The following ZFP92 variants were observed in gnomAD, a reference collection of about 807,000 sequenced individuals.
ZFP92 encodes zinc finger protein 92 homolog.
Under a neutral mutation model 7.6 loss-of-function variants are expected in ZFP92, and 2 were observed. That is an observed-to-expected ratio of 0.26 (90% CI 0.11 to 0.83). ZFP92 has a LOEUF of 0.83. Ranked by LOEUF, ZFP92 falls within the 40% of genes least tolerant of loss-of-function variation. The pLI, the probability that ZFP92 is intolerant of heterozygous loss-of-function variation, is 0.65. For missense variants in ZFP92, 324 were observed against 408.3 expected, an observed-to-expected ratio of 0.79 and a Z score of 1.78; for synonymous variants, 226 against 183.6, an observed-to-expected ratio of 1.23 and a Z score of -1.87.
rs782699615 is a variant in ZFP92, at chrX:153,421,338, G to C, written c.961G>C (p.Ala321Pro). 1 of 1,165,243 alleles carries C rather than the reference G, an allele frequency of 8.6e-7. No homozygotes were observed. The highest frequency in any genetic ancestry group is 2.5e-5 in the Admixed American group (1 of 39,465). Residue 321 changes from alanine (A) to proline (P), a missense_variant, in exon 6 of 6, where the codon GCG becomes CCG. By Grantham distance (27) the Ala-to-Pro change is conservative. Transcript: ENST00000338647. Reference protein sequence around the residue: ...QRSHSGERPFACRECGKAFRG... With the variant: ...QRSHSGERPFPCRECGKAFRG... ...CAGCCACAGCGGCGAGCGGCCCTTC[G>C]CGTGCCGCGAGTGCGGCAAGGCCTT...
chrX:153,413,050 G>A (rs781962587), intron 2 of ZFP92, among the ~76,000 whole-genome samples: 5 of 110,977 alleles, frequency 4.5e-5, no homozygotes, highest in South Asian at 3.8e-4. Flanking sequence ...TTCTCCAGCC[G>A]TTCTGCCAGG....
chrX:153,414,549 A>T (rs187384595), intron 2 of ZFP92, among the ~76,000 whole-genome samples: 3 of 111,236 alleles, frequency 2.7e-5, no homozygotes, highest in Admixed American at 1.9e-4. Flanking sequence ...GGATCTCACT[A>T]TGTTGGCCAG....
chrX:153,415,999 A>G (rs2088948203), intron 2 of ZFP92, among the ~76,000 whole-genome samples: 1 of 109,632 alleles, frequency 9.1e-6, no homozygotes, highest in Non-Finnish European at 1.9e-5. Flanking sequence ...TGGGTGTTGG[A>G]CCCCGTAAAT....
intron 4 of ZFP92, among the ~76,000 whole-genome samples, chrX:153,419,355 G>C (rs782682014): frequency 9.1e-4 from 103 of 112,699 alleles, no homozygotes; most frequent in Non-Finnish European, 1.1e-3. Context: ...CTGCCGGAAG[G>C]GGCAGCAATT....
At chrX:153,412,890 G>A (rs2088920299) in intron 2 of ZFP92, among the ~76,000 whole-genome samples, 2 of 112,225 alleles carry the variant, frequency 1.8e-5, no homozygotes, top group Middle Eastern at 4.2e-3. Flanking sequence ...CCCCCTTTTG[G>A]CTAGGTTACC....
Position 153,424,066 on chromosome X carries a change from G to A in ZFP92, c.*2438G>A, listed in dbSNP as rs782343444. ...CTCCTTAGTATCTTGTCATGCCATT[G>A]GTTCTGATGCATAAGTGAACCCTGT... On this transcript the variant is annotated 3_prime_UTR_variant, in exon 6 of 6. Coordinates refer to ENST00000338647, the MANE Select transcript of ZFP92 (RefSeq NM_001136273.2). 1.8e-5 allele frequency: 2 copies of A among 112,952 alleles called. No individual in the cohort carries two copies. Among genetic ancestry groups the A allele is most frequent in the African/African-American group, 6.4e-5 (2 of 31,151 alleles). The allele number at this position is 112,952 out of a possible 1,213,427, so 9.3% of individuals were successfully genotyped here.
rs192942705 is a variant in ZFP92 at position 153,418,211 on chromosome X, C to T, written c.-18-94C>T. 5 of 1,013,667 alleles carry T rather than the reference C, an allele frequency of 4.9e-6. No homozygotes were observed. In the East Asian group the frequency reaches 1.7e-4, roughly 34 times the overall value. The allele number at this position is 1,013,667 out of a possible 1,213,427, so 83.5% of individuals were successfully genotyped here. A position where few individuals can be genotyped will look rare whatever the true frequency, so the allele number is the denominator to read the frequency against. On this transcript the variant is annotated intron_variant, in intron 2 of 5. Coordinates refer to ENST00000338647, the MANE Select transcript of ZFP92 (RefSeq NM_001136273.2). The stretch of plus-strand genomic sequence containing the variant: ...CCACAGGTGGCCGCTGTGCTTATTT[C>T]ACAAGAAAAACTAAGCAGGGTCTTC...
Position 153,418,792 on chromosome X carries a change from G to T in ZFP92, c.153G>T (p.Val51=), listed in dbSNP as rs1366429212. The T allele has an allele frequency of 1.7e-6, 2 of 1,167,468 alleles. No individual in the cohort carries two copies. The highest frequency in any genetic ancestry group is 3.8e-5 in the South Asian group (2 of 52,679). Residue 51 remains valine (V), a synonymous_variant, in exon 4 of 6, where the codon GTG becomes GTT. Coordinates refer to ENST00000338647, the MANE Select transcript of ZFP92 (RefSeq NM_001136273.2). The part of the protein sequence containing the change: ...RVMLENYSHL[V]SLGFSFSKPH... ...TGCTGGAGAACTATAGCCATTTGGTGTCACTGGGTAAGTGATCCCTCCACG... is the reference window on the plus strand; with the variant it reads ...TGCTGGAGAACTATAGCCATTTGGTTTCACTGGGTAAGTGATCCCTCCACG...
At position 153,423,719 on chromosome X, in the gene ZFP92, C is replaced by T. The variant is rs2089023831; in HGVS notation, c.*2091C>T. On this transcript the variant is annotated 3_prime_UTR_variant, in exon 6 of 6. Coordinates refer to ENST00000338647, the MANE Select transcript of ZFP92 (RefSeq NM_001136273.2). ...CTTGCCTTGAGGCAATCCGAAGCAT[C>T]TACGACTTTGGGTTTTCCAGAAAAA... is the stretch of plus-strand genomic sequence containing the variant. 1 of 113,801 alleles carries T rather than the reference C, an allele frequency of 8.8e-6. No homozygotes were observed. Among genetic ancestry groups the T allele is most frequent in the South Asian group, 3.5e-4 (1 of 2,855 alleles). 9.4% of individuals were successfully genotyped at this position (113,801 alleles called of 1,213,427 possible).
chrX:153,415,545 C>T (rs782517299), intron 2 of ZFP92, among the ~76,000 whole-genome samples: 14 of 111,896 alleles, frequency 1.3e-4, no homozygotes, highest in African/African-American at 4.5e-4. Context: ...GTGATTAATG[C>T]TGCTGTGAAC....
chrX:153,415,066 T>A (rs929507388), intron 2 of ZFP92, among the ~76,000 whole-genome samples: 1 of 112,805 alleles, frequency 8.9e-6, no homozygotes, highest in Admixed American at 9.3e-5. Context: ...TTGGATTGAT[T>A]GAGTTGCATA....
Position 153,420,251 on chromosome X carries a change from C to T in ZFP92, c.184C>T (p.Leu62=), listed in dbSNP as rs970312220. The T allele has an allele frequency of 5.1e-6, 6 of 1,166,097 alleles. No individual in the cohort carries two copies. The African/African-American group carries it at 1.1e-4, about 21-fold the overall frequency. The stretch of plus-strand genomic sequence containing the variant: ...AGGATTTTCCTTCTCCAAGCCTCAC[C>T]TGATCTCCCAATTGGAACGAGGGGA... ...SLGFSFSKPH[L]ISQLERGEGP... The change falls in exon 5 of 6, where the codon CTG becomes TTG. Residue 62 remains leucine, a synonymous_variant. Coordinates refer to ENST00000338647, the MANE Select transcript of ZFP92 (RefSeq NM_001136273.2).
Position 153,418,410 on chromosome X carries a change from C to T in ZFP92, c.33+55C>T, listed in dbSNP as rs1468069865. On this transcript the variant is annotated intron_variant, in intron 3 of 5. Transcript: ENST00000338647. The stretch of plus-strand genomic sequence containing the variant: ...CCCCCTGGCAGCCCCCGTCTGCTGC[C>T]TCCTCATGCCCAGGCCTCTCCAGCT... 5 of 1,145,890 alleles carry T rather than the reference C, an allele frequency of 4.4e-6. No individual in the cohort carries two copies. In the African/African-American group the frequency reaches 9.0e-5, roughly 21 times the overall value. 94.4% of individuals were successfully genotyped at this position (1,145,890 alleles called of 1,213,427 possible). A position where few individuals can be genotyped will look rare whatever the true frequency, so the allele number is the denominator to read the frequency against.
chrX:153,419,414 G>T (rs1322270766), intron 4 of ZFP92, among the ~76,000 whole-genome samples: 1 of 112,621 alleles, frequency 8.9e-6, no homozygotes, highest in Non-Finnish European at 1.9e-5. Context: ...ACGGATGGGG[G>T]CCGGAGCACT....
chrX:153,411,579 C>T lies in ZFP92; in HGVS notation c.-192C>T, dbSNP rs782540117. Among the ~76,000 whole-genome samples, 75 of 112,906 alleles carry T rather than the reference C, an allele frequency of 6.6e-4. No individual in the cohort carries two copies. Among genetic ancestry groups the T allele is most frequent in the African/African-American group, 2.2e-3 (68 of 31,210 alleles). On this transcript the variant is annotated 5_prime_UTR_variant, in exon 1 of 6. Transcript: ENST00000338647. Reference sequence around the variant, plus strand: ...GTCGAGACAAGCCCAGGAGCCCCCACCCCCCGCCCGCGTTTCCTGGGGACG... The same window carrying T: ...GTCGAGACAAGCCCAGGAGCCCCCATCCCCCGCCCGCGTTTCCTGGGGACG...
intron 2 of ZFP92, among the ~76,000 whole-genome samples, chrX:153,415,227 C>T (rs2088941771): frequency 8.9e-6 from 1 of 112,671 alleles, no homozygotes. Flanking sequence ...GGAGTGGGGA[C>T]TTAGCAAACT....
intron 4 of ZFP92, among the ~76,000 whole-genome samples, chrX:153,419,826 T>C (rs1210086000): frequency 1.8e-5 from 2 of 111,644 alleles, no homozygotes; most frequent in Non-Finnish European, 3.8e-5. Flanking sequence ...CTCAGTGGAG[T>C]TGGATGATGA....
At position 153,421,339 on chromosome X, in the gene ZFP92, C is replaced by A; in HGVS notation, c.962C>A (p.Ala321Glu). The change falls in exon 6 of 6, where the codon GCG becomes GAG. Residue 321 changes from alanine (A) to glutamate (E), a missense_variant. By Grantham distance (107) the Ala-to-Glu change is moderately radical. Transcript: ENST00000338647. ...QRSHSGERPFACRECGKAFRG... is the reference protein window; with the variant it reads ...QRSHSGERPFECRECGKAFRG... Reference sequence around the variant, plus strand: ...AGCCACAGCGGCGAGCGGCCCTTCGCGTGCCGCGAGTGCGGCAAGGCCTTC... The same window carrying A: ...AGCCACAGCGGCGAGCGGCCCTTCGAGTGCCGCGAGTGCGGCAAGGCCTTC... 8.6e-7 allele frequency: 1 copy of A among 1,165,334 alleles called. No homozygotes were observed. Among genetic ancestry groups the A allele is most frequent in the Non-Finnish European group, 1.1e-6 (1 of 874,876 alleles).
At chrX:153,418,245 C>T (rs782095711) in intron 2 of ZFP92, 60 bp from the exon 3 acceptor site, 44 of 1,131,192 alleles carry the variant, frequency 3.9e-5, no homozygotes, top group Non-Finnish European at 5.2e-5. Flanking sequence ...TCAAGCAGGT[C>T]GCAGATTGGC....
Sources: allele counts gnomAD v4.1 joint callset (sites outside exome capture counted in the v4.1 genomes callset), GRCh38; gene constraint gnomAD v4.1.1; transcripts MANE v1.5; gene names NCBI Gene and HGNC (gene_info 2026-07-23, HGNC 2026-07-21).